The following CERT1 variants were observed in gnomAD, a reference collection of about 807,000 sequenced individuals.
CERT1 encodes the protein ceramide transfer protein.
CERT1 carries 31 observed loss-of-function variants against 87.9 expected under a neutral mutation model. That is an observed-to-expected ratio of 0.35 (90% confidence interval 0.27 to 0.48). The LOEUF is 0.48. Among genes scored for constraint, CERT1 ranks in the 20% least tolerant of loss-of-function variants. The pLI, the probability that CERT1 is intolerant of heterozygous loss-of-function variation, is 0.99. For missense variants in CERT1, 487 were observed against 758.0 expected, an observed-to-expected ratio of 0.64 and a Z score of 4.20; for synonymous variants, 289 against 250.9, an observed-to-expected ratio of 1.15 and a Z score of -1.44.
At position 75,384,812 on chromosome 5, in the gene CERT1, T is replaced by C. The variant is rs570372641; in HGVS notation, c.1418-100A>G. ...AAGTACGAATGGACAGTATGGTAAA[T>C]TGAACAGGATCCTGCCCTATCTAGG... is the stretch of plus-strand genomic sequence containing the variant. On this transcript the variant is annotated intron_variant, in intron 13 of 16. Transcript: ENST00000643780. The C allele has an allele frequency of 8.8e-5, 65 of 735,524 alleles. 1 individual carries two copies. The Admixed American group carries it at 9.7e-4, about 11-fold the overall frequency. The allele number at this position is 735,524 out of a possible 1,614,324, so 45.6% of individuals were successfully genotyped here. A position where few individuals can be genotyped will look rare whatever the true frequency, so the allele number is the denominator to read the frequency against.
At chr5:75,414,640 G>A (rs1449577421) in intron 7 of CERT1, among the ~76,000 whole-genome samples, 2 of 152,054 alleles carry the variant, frequency 1.3e-5, no homozygotes, top group African/African-American at 2.4e-5. Context: ...TTCTACAGTG[G>A]AAAGGATCAT....
chr5:75,486,033 A>G (rs1466062641), intron 2 of CERT1, among the ~76,000 whole-genome samples: 3 of 152,148 alleles, frequency 2.0e-5, no homozygotes, highest in African/African-American at 7.2e-5. Context: ...TACCAAAAAC[A>G]GACAAAGACA....
intron 3 of CERT1, among the ~76,000 whole-genome samples, chr5:75,436,254 C>T (rs1397817182): frequency 1.3e-5 from 2 of 152,012 alleles, no homozygotes; most frequent in Non-Finnish European, 2.9e-5. Flanking sequence ...AGGATGGTCT[C>T]GATCTCCTGA....
intron 2 of CERT1, among the ~76,000 whole-genome samples, chr5:75,478,015 A>C (rs1766049465): frequency 6.6e-6 from 1 of 152,164 alleles, no homozygotes; most frequent in Admixed American, 6.5e-5. Context: ...TAGAAATAAG[A>C]AGATTAGAAG....
chr5:75,411,076 C>T lies in CERT1; in HGVS notation c.865G>A (p.Glu289Lys). ...TCTGTCATTGCATTTTTATATGCTTCCTCTGTTCTTCTTTTCTTCTCAGTT... is the reference window on the plus strand; with the variant it reads ...TCTGTCATTGCATTTTTATATGCTTTCTCTGTTCTTCTTTTCTTCTCAGTT... The part of the protein sequence containing the change: ...KETEKKRRTE[E>K]AYKNAMTELK... The change falls in exon 8 of 17, where the codon GAA (glutamate) becomes AAA (lysine). Residue 289 changes from glutamate (E) to lysine (K), a missense_variant. Transcript: ENST00000643780. The T allele has an allele frequency of 6.3e-7, 1 of 1,586,210 alleles. No individual in the cohort carries two copies. Among genetic ancestry groups the T allele is most frequent in the Non-Finnish European group, 8.6e-7 (1 of 1,164,858 alleles).
At chr5:75,387,116 G>A (rs1220259394) in intron 12 of CERT1, among the ~76,000 whole-genome samples, 2 of 151,980 alleles carry the variant, frequency 1.3e-5, no homozygotes, top group African/African-American at 4.8e-5. Flanking sequence ...TGATCTGCCC[G>A]CCTTGGCCTC....
intron 2 of CERT1, among the ~76,000 whole-genome samples, chr5:75,496,535 C>T (rs1021235774): frequency 6.6e-6 from 1 of 152,142 alleles, no homozygotes; most frequent in Non-Finnish European, 1.5e-5. Context: ...TTTAGAGCAG[C>T]CTTATTTATT....
At chr5:75,432,738 T>C (rs1763925081) in intron 3 of CERT1, among the ~76,000 whole-genome samples, 2 of 152,256 alleles carry the variant, frequency 1.3e-5, no homozygotes, top group African/African-American at 4.8e-5. Context: ...TTTGTTGCAA[T>C]TGCTTTTGGA....
At position 75,388,867 on chromosome 5, in the gene CERT1, C is replaced by T. The variant is rs147537118; in HGVS notation, c.1284+725G>A. 2.2e-3 allele frequency among the ~76,000 whole-genome samples: 339 copies of T among 151,950 alleles called. 1 individual carries two copies. The East Asian group carries it at 0.027, about 12-fold the overall frequency. ...CTTGAACTCCTGAGCTCAAGTAATC[C>T]GCCTGCCATGTCCTCCTAAAAGTGC... On this transcript the variant is annotated intron_variant, in intron 12 of 16. Coordinates refer to ENST00000643780, the MANE Select transcript of CERT1 (RefSeq NM_001379029.1).
rs144035148 is a variant in CERT1 at position 75,389,358 on chromosome 5, A to G, written c.1284+234T>C. Among the ~76,000 whole-genome samples the G allele has an allele frequency of 7.3e-3, 1,119 of 152,340 alleles. 9 individuals are homozygous for G. Among genetic ancestry groups the G allele is most frequent in the African/African-American group, 0.025 (1,051 of 41,580 alleles). ...TTATTTTCTTCATGGCCTAGTCAAAACAGAAAGGTTTAATCATATATTTAT... is the reference window on the plus strand; with the variant it reads ...TTATTTTCTTCATGGCCTAGTCAAAGCAGAAAGGTTTAATCATATATTTAT... On this transcript the variant is annotated intron_variant, in intron 12 of 16. Coordinates refer to ENST00000643780, the MANE Select transcript of CERT1 (RefSeq NM_001379029.1).
In CERT1 at chr5:75,393,602, T is replaced by TTAAAAAAAAAAAAAAAAA. The variant is rs1179766169; in HGVS notation, c.1189-3916_1189-3915insTTTTTTTTTTTTTTTTTA. Among the ~76,000 whole-genome samples the TTAAAAAAAAAAAAAAAAA allele has an allele frequency of 9.2e-5, 3 of 32,770 alleles. No homozygotes were observed. The East Asian group carries it at 3.4e-3, about 37-fold the overall frequency. 21.5% of individuals were successfully genotyped at this position (32,770 alleles called of 152,430 possible). A position where few individuals can be genotyped will look rare whatever the true frequency, so the allele number is the denominator to read the frequency against. On this transcript the variant is annotated intron_variant, in intron 11 of 16. Coordinates refer to ENST00000643780, the MANE Select transcript of CERT1 (RefSeq NM_001379029.1). ...GCAACATAGCAAGACCTCATCTACT[T>TTAAAAAAAAAAAAAAAAA]AAAAAAAAAAAAAAAAAAAAAGAAA... is the stretch of plus-strand genomic sequence containing the variant.
At chr5:75,397,431 C>A (rs1047299260) in intron 11 of CERT1, among the ~76,000 whole-genome samples, 11 of 152,164 alleles carry the variant, frequency 7.2e-5, no homozygotes, top group African/African-American at 2.4e-4. Flanking sequence ...TAGGCACCTG[C>A]TTCTCAGTGA....
intron 11 of CERT1, among the ~76,000 whole-genome samples, chr5:75,398,963 A>G (rs1375111278): frequency 6.6e-6 from 1 of 152,232 alleles, no homozygotes; most frequent in Non-Finnish European, 1.5e-5. Flanking sequence ...CTGCTATAAC[A>G]TATCATATAG....
intron 2 of CERT1, among the ~76,000 whole-genome samples, chr5:75,500,127 A>C (rs1460016990): frequency 6.6e-6 from 1 of 152,186 alleles, no homozygotes; most frequent in Non-Finnish European, 1.5e-5. Flanking sequence ...GGAGTACCAA[A>C]GATTGCCAGC....
Position 75,381,934 on chromosome 5 carries a change from T to C in CERT1, c.1617+15A>G, listed in dbSNP as rs1049422127. The C allele has an allele frequency of 1.9e-6, 3 of 1,607,714 alleles. No individual in the cohort carries two copies. The highest frequency in any genetic ancestry group is 2.2e-5 in the South Asian group (2 of 90,650). ...TATATTGTTTAATTATACACATTTA[T>C]ATACATGTACTTACAGGAGCACTGT... On this transcript the variant is annotated intron_variant, in intron 15 of 16. Transcript: ENST00000643780.
At chr5:75,421,661 T>C (rs997215570) in intron 5 of CERT1, among the ~76,000 whole-genome samples, 1 of 152,182 alleles carries the variant, frequency 6.6e-6, no homozygotes, top group Non-Finnish European at 1.5e-5. Context: ...TGACCATCAG[T>C]TGAAGTTATA....
At chr5:75,398,496 C>T (rs1762344554) in intron 11 of CERT1, among the ~76,000 whole-genome samples, 1 of 152,190 alleles carries the variant, frequency 6.6e-6, no homozygotes, top group African/African-American at 2.4e-5. Flanking sequence ...GTCATTCTGA[C>T]CAGAGTGCTC....
Position 75,385,925 on chromosome 5 carries a change from ACAT to A in CERT1, c.1391_1393del (p.Asn464_Val465delinsIle), listed in dbSNP as rs1258718624. ...ACTTTCCCAGTCATTGCGAACGTCAACATTCCAGAAATAATTGCAGACTTCATG... is the reference window on the plus strand; with the variant it reads ...ACTTTCCCAGTCATTGCGAACGTCAATCCAGAAATAATTGCAGACTTCATG... On this transcript the variant is annotated inframe_deletion, in exon 13 of 17. Transcript: ENST00000643780. 1.9e-6 allele frequency: 3 copies of A among 1,555,398 alleles called. No individual in the cohort carries two copies. Among genetic ancestry groups the A allele is most frequent in the Non-Finnish European group, 2.6e-6 (3 of 1,154,116 alleles).
downstream of CERT1, chr5:75,377,145 C>G (rs1761351474): frequency 6.6e-6 from 1 of 152,110 alleles, no homozygotes; most frequent in Non-Finnish European, 1.5e-5. Context: ...TGGACTAAAG[C>G]AGGCTTAAAC....
Sources: allele counts gnomAD v4.1 joint callset (sites outside exome capture counted in the v4.1 genomes callset), GRCh38; gene constraint gnomAD v4.1.1; transcripts MANE v1.5; gene names NCBI Gene and HGNC (gene_info 2026-07-23, HGNC 2026-07-21).